The following LRFN2 variants were observed in gnomAD, a reference collection of about 807,000 sequenced individuals.
The protein encoded by LRFN2 is leucine rich repeat and fibronectin type III domain containing 2.
LRFN2 carries 18 observed loss-of-function variants against 37.3 expected under a neutral mutation model. The observed-to-expected ratio is 0.48, with a 90% CI of 0.33 to 0.72. The LOEUF (loss-of-function observed/expected upper bound fraction) is 0.72. Among genes scored for constraint, LRFN2 ranks in the 30% least tolerant of loss-of-function variants. The probability of loss-of-function intolerance (pLI) is 0.02; values close to 1 mark genes in which losing one functional copy is unlikely to be tolerated. For synonymous variants in LRFN2, 556 were observed against 466.6 expected, an observed-to-expected ratio of 1.19 and a Z score of -2.47; for missense variants, 1,006 against 1,060.7, an observed-to-expected ratio of 0.95 and a Z score of 0.72.
intron 1 of LRFN2, among the ~76,000 whole-genome samples, chr6:40,579,613 A>AACACACACACACACAC (rs34819147): frequency 6.9e-6 from 1 of 144,970 alleles, no homozygotes; most frequent in African/African-American, 2.5e-5. Context: ...AACACACACA[A>AACACACACACACACAC]ACACACACAC....
intron 1 of LRFN2, among the ~76,000 whole-genome samples, chr6:40,546,834 T>A (rs1766671767): frequency 6.6e-6 from 1 of 151,984 alleles, no homozygotes; most frequent in Non-Finnish European, 1.5e-5. Context: ...AGGCAAGGAG[T>A]GAGTATGCGA....
At chr6:40,422,681 C>T (rs916382655) in intron 2 of LRFN2, among the ~76,000 whole-genome samples, 4 of 152,218 alleles carry the variant, frequency 2.6e-5, no homozygotes, top group African/African-American at 7.2e-5. Flanking sequence ...ATGGCCACCA[C>T]TACAGCATTG....
Position 40,409,864 on chromosome 6 carries a change from C to T in LRFN2, c.1401-16952G>A, listed in dbSNP as rs575063270. The stretch of plus-strand genomic sequence containing the variant: ...CCTGGTGAGAGACTAGCTGGGCATC[C>T]GGCTGCTGAGTTGCTGCATCATCCT... On this transcript the variant is annotated intron_variant, in intron 2 of 2. Coordinates refer to ENST00000338305, the MANE Select transcript of LRFN2 (RefSeq NM_020737.3). Among the ~76,000 whole-genome samples the T allele has an allele frequency of 1.9e-3, 295 of 152,284 alleles. 5 individuals are homozygous for T. Among genetic ancestry groups the T allele is most frequent in the Admixed American group, 0.018 (271 of 15,298 alleles).
intron 1 of LRFN2, among the ~76,000 whole-genome samples, chr6:40,457,271 T>G (rs917225640): frequency 6.6e-6 from 1 of 152,100 alleles, no homozygotes; most frequent in Admixed American, 6.5e-5. Context: ...CTTAAATATG[T>G]GGATTTAGGG....
chr6:40,398,800 CTT>C (rs1371900070), intron 2 of LRFN2, among the ~76,000 whole-genome samples: 1 of 151,864 alleles, frequency 6.6e-6, no homozygotes, highest in Non-Finnish European at 1.5e-5. Flanking sequence ...GATTGTTTTT[CTT>C]TTTCTTTCCT....
At chr6:40,571,428 A>C (rs574029764) in intron 1 of LRFN2, among the ~76,000 whole-genome samples, 122 of 152,262 alleles carry the variant, frequency 8.0e-4, no homozygotes, top group Non-Finnish European at 1.5e-3. Context: ...TCTGACACCC[A>C]CCATGGGAAA....
chr6:40,480,064 C>T (rs993330424), intron 1 of LRFN2, among the ~76,000 whole-genome samples: 3 of 152,158 alleles, frequency 2.0e-5, no homozygotes, highest in East Asian at 3.8e-4. Context: ...AAAGTGAACA[C>T]TGATTTAATG....
chr6:40,478,954 G>A (rs1764765886), intron 1 of LRFN2, among the ~76,000 whole-genome samples: 1 of 152,222 alleles, frequency 6.6e-6, no homozygotes, highest in Non-Finnish European at 1.5e-5. Flanking sequence ...TGGGCTTCTA[G>A]GGACTGGAAA....
At chr6:40,508,069 A>G (rs1036287) in intron 1 of LRFN2, among the ~76,000 whole-genome samples, 70,888 of 152,004 alleles carry the variant, frequency 0.47, 16,901 homozygotes, top group East Asian at 0.59. Flanking sequence ...TGAGTGAGAC[A>G]GTGCCCAAGC....
chr6:40,443,822 A>G (rs1763901749), intron 1 of LRFN2, among the ~76,000 whole-genome samples: 1 of 152,166 alleles, frequency 6.6e-6, no homozygotes, highest in Non-Finnish European at 1.5e-5. Context: ...AACAGAGGGG[A>G]GCTACTCAGC....
At chr6:40,469,395 C>A (rs1337849144) in intron 1 of LRFN2, among the ~76,000 whole-genome samples, 1 of 152,108 alleles carries the variant, frequency 6.6e-6, no homozygotes, top group Non-Finnish European at 1.5e-5. Context: ...AGCGATCCAA[C>A]CATCATCTTT....
intron 2 of LRFN2, among the ~76,000 whole-genome samples, chr6:40,418,429 T>C (rs1308298206): frequency 1.3e-5 from 2 of 152,190 alleles, no homozygotes; most frequent in Non-Finnish European, 2.9e-5. Flanking sequence ...AGGCCACCCA[T>C]ACTTTTCCCT....
Position 40,545,641 on chromosome 6 carries a change from G to C in LRFN2, c.-19+41300C>G, listed in dbSNP as rs1190724616. Among the ~76,000 whole-genome samples, 9 of 152,188 alleles carry C rather than the reference G, an allele frequency of 5.9e-5. No homozygotes were observed. The East Asian group carries it at 1.6e-3, about 26-fold the overall frequency. On this transcript the variant is annotated intron_variant, in intron 1 of 2. Coordinates refer to ENST00000338305, the MANE Select transcript of LRFN2 (RefSeq NM_020737.3). The stretch of plus-strand genomic sequence containing the variant: ...GGAAGGTTGGGGAGAGATGAAGAGA[G>C]AGGGGAGAGGATAATGGGAAAGTGG...
chr6:40,422,030 T>C (rs1189017621), intron 2 of LRFN2, among the ~76,000 whole-genome samples: 2 of 152,200 alleles, frequency 1.3e-5, no homozygotes, highest in Non-Finnish European at 2.9e-5. Flanking sequence ...CTGGAGCCCC[T>C]GATTCCATCT....
At chr6:40,554,874 C>T (rs559493439) in intron 1 of LRFN2, among the ~76,000 whole-genome samples, 7 of 152,288 alleles carry the variant, frequency 4.6e-5, no homozygotes, top group East Asian at 1.9e-4. Context: ...ATCAGCCTAC[C>T]GGCACAGTTC....
intron 1 of LRFN2, among the ~76,000 whole-genome samples, chr6:40,461,640 C>T (rs1764351115): frequency 7.0e-6 from 1 of 143,456 alleles, no homozygotes; most frequent in South Asian, 2.2e-4. Flanking sequence ...TTTGGGGAGA[C>T]AGAATACACG....
At chr6:40,421,345 C>A (rs1247406681) in intron 2 of LRFN2, among the ~76,000 whole-genome samples, 1 of 152,178 alleles carries the variant, frequency 6.6e-6, no homozygotes, top group Non-Finnish European at 1.5e-5. Flanking sequence ...GAGACACGTG[C>A]CCAAGGTAGT....
At chr6:40,477,741 A>G (rs1423199249) in intron 1 of LRFN2, among the ~76,000 whole-genome samples, 2 of 152,132 alleles carry the variant, frequency 1.3e-5, no homozygotes, top group Non-Finnish European at 2.9e-5. Flanking sequence ...AAGAGACCCC[A>G]GCTGGAAGCG....
In LRFN2 at chr6:40,567,377, T is replaced by G. The variant is rs577903038; in HGVS notation, c.-19+19564A>C. On this transcript the variant is annotated intron_variant, in intron 1 of 2. Transcript: ENST00000338305. ...CAGCCAATAGGACAAAATTATGAGG[T>G]GGGAGGCCCTTCTGACTGATGCTGC... Among the ~76,000 whole-genome samples, 12 of 152,250 alleles carry G rather than the reference T, an allele frequency of 7.9e-5. No individual in the cohort carries two copies. In the South Asian group the frequency reaches 8.3e-4, roughly 11 times the overall value.
Sources: gnomAD v4.1 joint callset for allele counts (sites outside exome capture counted in the v4.1 genomes callset) on GRCh38, gnomAD v4.1.1 for gene constraint, MANE v1.5 for transcripts, NCBI Gene and HGNC (gene_info 2026-07-23, HGNC 2026-07-21) for gene names.